Variants in DHX36 observed in about 807,000 individuals in gnomAD.
The protein encoded by DHX36 is DEAH-box helicase 36, also known as ATP-dependent DNA/RNA helicase DHX36.
In DHX36, 50 loss-of-function variants were observed where a neutral mutation model predicts 139.0. The ratio of observed to expected loss-of-function variants is 0.36; its 90% CI spans 0.29 to 0.46. The LOEUF is 0.46. Among genes scored for constraint, DHX36 ranks in the 20% least tolerant of loss-of-function variants. The pLI is 1.00. For synonymous variants in DHX36, 425 were observed against 401.9 expected (o/e 1.06, Z -0.69); for missense variants, 1,024 against 1,211.3 (o/e 0.85, Z 2.29).
At chr3:154,312,852 A>AAAAT (rs1468885860) in intron 3 of DHX36, among the ~76,000 whole-genome samples, 3 of 39,762 alleles carry the variant, frequency 7.5e-5, no homozygotes. Flanking sequence ...AAATAATTAA[A>AAAAT]ATATATATAT....
chr3:154,299,615 GA>G (rs1712187295), intron 12 of DHX36: 1 of 484,314 alleles, frequency 2.1e-6, no homozygotes, highest in East Asian at 4.2e-5. Flanking sequence ...AGCAGTAAGT[GA>G]AAAAATGAAA....
intron 15 of DHX36, among the ~76,000 whole-genome samples, chr3:154,290,824 A>G (rs113058858): frequency 2.0e-3 from 311 of 151,938 alleles, no homozygotes; most frequent in African/African-American, 7.2e-3. Flanking sequence ...TCTCTCCAGT[A>G]GAAACTAAAA....
At chr3:154,294,579 C>G (rs1407945217) in intron 13 of DHX36, among the ~76,000 whole-genome samples, 2 of 152,064 alleles carry the variant, frequency 1.3e-5, no homozygotes, top group African/African-American at 4.8e-5. Context: ...CTTTCTTGCC[C>G]CCTCTCTTCT....
intron 12 of DHX36, 21 bp from the exon 13 acceptor site, chr3:154,295,360 A>C (rs751202602): frequency 7.4e-7 from 1 of 1,357,808 alleles, no homozygotes; most frequent in South Asian, 1.3e-5. Context: ...AAGAGAATTA[A>C]ATTTTAAGAT....
At chr3:154,311,771 T>C (rs1167222684) in intron 3 of DHX36, 97 bp from the exon 4 acceptor site, 1 of 864,342 alleles carries the variant, frequency 1.2e-6, no homozygotes, top group Admixed American at 3.3e-5. Context: ...TTGGCTAGAA[T>C]CCGAAAGTAT....
At chr3:154,300,030 G>T in intron 11 of DHX36, 105 bp from the exon 12 acceptor site, 4 of 727,482 alleles carry the variant, frequency 5.5e-6, no homozygotes, top group South Asian at 1.7e-5. Context: ...TACTAGCTCA[G>T]GATAATTTTC....
At chr3:154,304,745 T>A (rs556047224) in intron 8 of DHX36, 61 bp downstream of exon 8, 1 of 1,287,942 alleles carries the variant, frequency 7.8e-7, no homozygotes, top group East Asian at 2.5e-5. Context: ...AGTACCATAT[T>A]AATTTTTTTA....
chr3:154,306,338 G>T, intron 5 of DHX36, 43 bp from the exon 6 acceptor site: 1 of 1,502,404 alleles, frequency 6.7e-7, no homozygotes. Context: ...ATTTCCTTTA[G>T]AACAAATATC....
intron 3 of DHX36, among the ~76,000 whole-genome samples, chr3:154,313,702 G>A (rs1350007863): frequency 6.6e-5 from 10 of 151,768 alleles, no homozygotes; most frequent in Non-Finnish European, 1.2e-4. Flanking sequence ...ATACATACAC[G>A]CACACATATA....
At chr3:154,307,946 T>A (rs1322364502) in intron 5 of DHX36, among the ~76,000 whole-genome samples, 2 of 152,116 alleles carry the variant, frequency 1.3e-5, no homozygotes, top group Non-Finnish European at 2.9e-5. Context: ...TATTTAGCTG[T>A]AAGAGTGAAA....
chr3:154,321,707 C>T (rs1182207635), intron 1 of DHX36, among the ~76,000 whole-genome samples: 4 of 152,120 alleles, frequency 2.6e-5, no homozygotes, highest in Non-Finnish European at 5.9e-5. Flanking sequence ...GCCTGTAATC[C>T]CAGCACTTTG....
chr3:154,273,683 A>G lies in DHX36; in HGVS notation c.*2488T>C, dbSNP rs1482536873. 1.3e-5 allele frequency: 2 copies of G among 152,264 alleles called. No homozygotes were observed. Among genetic ancestry groups the G allele is most frequent in the African/African-American group, 2.4e-5 (1 of 41,470 alleles). The allele number at this position is 152,264 out of a possible 1,614,324, so 9.4% of individuals were successfully genotyped here. On this transcript the variant is annotated 3_prime_UTR_variant, in exon 25 of 25. Coordinates refer to ENST00000496811, the MANE Select transcript of DHX36 (RefSeq NM_020865.3). ...ACAGCCAAGATAAAGGATTTGAGAC[A>G]TAACAGGTAACACACATTCCCAGGA...
chr3:154,313,434 T>C (rs951871467), intron 3 of DHX36, among the ~76,000 whole-genome samples: 3 of 152,026 alleles, frequency 2.0e-5, no homozygotes, highest in Admixed American at 6.6e-5. Flanking sequence ...AATTACAGAA[T>C]TTGGGGAGGT....
Position 154,304,128 on chromosome 3 carries a change from G to C in DHX36, c.1135+678C>G, listed in dbSNP as rs191824828. Among the ~76,000 whole-genome samples, 18 of 152,260 alleles carry C rather than the reference G, an allele frequency of 1.2e-4. 1 individual carries two copies. The South Asian group carries it at 3.1e-3, about 26-fold the overall frequency. On this transcript the variant is annotated intron_variant, in intron 8 of 24. Transcript: ENST00000496811. ...TTACATGGTTTTCAGTATTAACTGG[G>C]ATGTATTTTAAAGGACTTTTAAAAA...
chr3:154,311,265 CT>C (rs1712753889), intron 4 of DHX36, among the ~76,000 whole-genome samples: 3 of 151,908 alleles, frequency 2.0e-5, no homozygotes, highest in African/African-American at 7.3e-5. Flanking sequence ...TTAAAATTAA[CT>C]GTATTTTTAG....
Position 154,289,875 on chromosome 3 carries a change from T to C in DHX36, c.1815-49A>G, listed in dbSNP as rs756253206. The stretch of plus-strand genomic sequence containing the variant: ...TGAAACAAAGAGGGACAGTCATCAA[T>C]GACTTTTTAGAACTGCAGAGAAAAT... On this transcript the variant is annotated intron_variant, in intron 15 of 24. Coordinates refer to ENST00000496811, the MANE Select transcript of DHX36 (RefSeq NM_020865.3). 2.0e-5 allele frequency: 25 copies of C among 1,240,370 alleles called. 3 individuals carry two copies. In the Admixed American group the frequency reaches 3.4e-4, roughly 17 times the overall value. 76.8% of individuals were successfully genotyped at this position (1,240,370 alleles called of 1,614,324 possible).
At chr3:154,288,573 C>A (rs1161854333) in intron 17 of DHX36, among the ~76,000 whole-genome samples, 1 of 151,950 alleles carries the variant, frequency 6.6e-6, no homozygotes, top group Admixed American at 6.5e-5. Flanking sequence ...TAATTAAAGA[C>A]CAGTAACTTA....
Position 154,316,086 on chromosome 3 carries a change from A to G in DHX36, c.321T>C (p.Asp107=), listed in dbSNP as rs1159630633. The G allele has an allele frequency of 6.2e-7, 1 of 1,613,184 alleles. No individual in the cohort carries two copies. The highest frequency in any genetic ancestry group is 8.5e-7 in the Non-Finnish European group (1 of 1,179,568). Residue 107 remains aspartate (D), a synonymous_variant, in exon 2 of 25, where the codon GAT becomes GAC. Transcript: ENST00000496811. The stretch of plus-strand genomic sequence containing the variant: ...AGGATATCTGTGCTTCTGACTCTTT[A>G]TCATTCTTCGCTTGAACAGAATTCA... ...QLLNSVQAKN[D]KESEAQISWF...
At chr3:154,307,524 T>A (rs907360917) in intron 5 of DHX36, among the ~76,000 whole-genome samples, 1 of 152,018 alleles carries the variant, frequency 6.6e-6, no homozygotes, top group Non-Finnish European at 1.5e-5. Context: ...ATGCACAACA[T>A]CACTAATCAT....
Sources: allele counts gnomAD v4.1 joint callset (sites outside exome capture counted in the v4.1 genomes callset), GRCh38; gene constraint gnomAD v4.1.1; transcripts MANE v1.5; gene names NCBI Gene and HGNC (gene_info 2026-07-23, HGNC 2026-07-21).